Variants in RHPN2 observed in about 807,000 individuals in gnomAD.
RHPN2 encodes the protein rhophilin Rho GTPase binding protein 2.
Under a neutral mutation model 79.0 loss-of-function variants are expected in RHPN2, and 40 were observed. That is an observed-to-expected ratio of 0.51 (90% CI 0.39 to 0.66). The LOEUF is 0.66. RHPN2 is among the 30% of genes least tolerant of loss of function. The pLI is 0.00. For missense variants in RHPN2, 686 were observed against 883.5 expected, an observed-to-expected ratio of 0.78 and a Z score of 2.83; for synonymous variants, 285 against 363.5, an observed-to-expected ratio of 0.78 and a Z score of 2.46.
intron 3 of RHPN2, among the ~76,000 whole-genome samples, chr19:33,025,292 A>G (rs533879996): frequency 3.5e-5 from 5 of 142,008 alleles, no homozygotes; most frequent in African/African-American, 1.3e-4. Flanking sequence ...GGGCAACATG[A>G]TGAAACCCTG....
At position 33,064,794 on chromosome 19, in the gene RHPN2, T is replaced by C. The variant is rs1288591753; in HGVS notation, c.59A>G (p.Tyr20Cys). The C allele has an allele frequency of 2.4e-6, 3 of 1,270,770 alleles. No homozygotes were observed. Among genetic ancestry groups the C allele is most frequent in the Admixed American group, 5.4e-5 (2 of 37,106 alleles). 78.7% of individuals were successfully genotyped at this position (1,270,770 alleles called of 1,614,324 possible). The stretch of plus-strand genomic sequence containing the variant: ...CCCGAAGCCGCCCACCTTCCGAAAG[T>C]AGCCGTCGTTCTCCTTCTCCAGCGG... ...PQPLEKENDG[Y>C]FRKGCNPLAQ... The change falls in exon 1 of 15, where the codon TAC becomes TGC. Residue 20 changes from tyrosine to cysteine, a missense_variant. Tyr to Cys is a radical substitution (Grantham distance 194, BLOSUM62 -2). Transcript: ENST00000254260.
At chr19:33,062,736 C>T (rs1009523036) in intron 1 of RHPN2, among the ~76,000 whole-genome samples, 31 of 150,664 alleles carry the variant, frequency 2.1e-4, no homozygotes, top group Non-Finnish European at 4.4e-4. Flanking sequence ...CCACTGCACT[C>T]CAGCCTGAGC....
chr19:33,011,589 G>A lies in RHPN2; in HGVS notation c.593+90C>T, dbSNP rs187480363. On this transcript the variant is annotated intron_variant, in intron 6 of 14. Transcript: ENST00000254260. ...GGAAAGGGGGCTGAGGTGCACAGGG[G>A]CACCCGCAGAGGGGCGTCTGTGATG... 7,890 of 1,532,400 alleles carry A rather than the reference G, an allele frequency of 5.1e-3. 44 individuals carry two copies. The highest frequency in any genetic ancestry group is 9.4e-3 in the Middle Eastern group (49 of 5,238). 94.9% of individuals were successfully genotyped at this position (1,532,400 alleles called of 1,614,324 possible). A position where few individuals can be genotyped will look rare whatever the true frequency, so the allele number is the denominator to read the frequency against.
intron 7 of RHPN2, among the ~76,000 whole-genome samples, chr19:33,007,301 G>C (rs1971799003): frequency 6.6e-6 from 1 of 151,614 alleles, no homozygotes; most frequent in African/African-American, 2.4e-5. Context: ...AGCCTGGCCA[G>C]CATGGCGAAA....
At chr19:33,040,797 T>A (rs1972094714) in intron 2 of RHPN2, among the ~76,000 whole-genome samples, 1 of 151,548 alleles carries the variant, frequency 6.6e-6, no homozygotes, top group Non-Finnish European at 1.5e-5. Flanking sequence ...TTACTAAAAG[T>A]ATAAAATTTA....
intron 2 of RHPN2, among the ~76,000 whole-genome samples, chr19:33,040,222 G>T (rs1228527490): frequency 4.1e-5 from 6 of 146,832 alleles, no homozygotes; most frequent in Non-Finnish European, 7.4e-5. Context: ...TTAAAACTAG[G>T]CAACCTGCCT....
chr19:32,999,111 G>A (rs1457859190), intron 10 of RHPN2, among the ~76,000 whole-genome samples: 3 of 151,952 alleles, frequency 2.0e-5, no homozygotes, highest in Admixed American at 6.6e-5. Context: ...TCACTGAGAC[G>A]GAGAAGCTGC....
chr19:33,007,160 T>A (rs1236696063), intron 7 of RHPN2, among the ~76,000 whole-genome samples: 7 of 152,190 alleles, frequency 4.6e-5, no homozygotes, highest in Admixed American at 3.9e-4. Context: ...ACCCACCTCA[T>A]GCTGGAGAAG....
chr19:33,002,438 G>A (rs768844849), intron 8 of RHPN2, 35 bp from the exon 9 acceptor site: 12 of 1,613,004 alleles, frequency 7.4e-6, no homozygotes, highest in Middle Eastern at 1.7e-4. Context: ...GGGGCAGCCC[G>A]GCACAAGGGC....
chr19:33,045,086 T>C (rs564614204), intron 1 of RHPN2, among the ~76,000 whole-genome samples: 5 of 147,416 alleles, frequency 3.4e-5, no homozygotes, highest in Middle Eastern at 3.5e-3. Context: ...GGAGTCTCGC[T>C]GCGTGCCTAG....
chr19:33,008,075 C>T lies in RHPN2; in HGVS notation c.699G>A (p.Arg233=). The T allele has an allele frequency of 6.2e-7, 1 of 1,613,790 alleles. No individual in the cohort carries two copies. The highest frequency in any genetic ancestry group is 8.5e-7 in the Non-Finnish European group (1 of 1,179,986). Residue 233 remains arginine, a synonymous_variant, in exon 7 of 15, where the codon CGG becomes CGA. Transcript: ENST00000254260. ...GCCCAGCCTGCGTCTGCCGATCACACCGGGTCCCAATCTGGGTGTAGAGGG... is the reference window on the plus strand; with the variant it reads ...GCCCAGCCTGCGTCTGCCGATCACATCGGGTCCCAATCTGGGTGTAGAGGG... The part of the protein sequence containing the change: ...TGALYTQIGT[R]CDRQTQAGLE...
chr19:33,026,525 A>G lies in RHPN2; in HGVS notation c.293T>C (p.Val98Ala), dbSNP rs1599823851. 1 of 1,608,364 alleles carries G rather than the reference A, an allele frequency of 6.2e-7. No homozygotes were observed. Among genetic ancestry groups the G allele is most frequent in the Non-Finnish European group, 8.5e-7 (1 of 1,179,694 alleles). Residue 98 changes from valine to alanine, a missense_variant, in exon 3 of 15, where the codon GTG (valine) becomes GCG (alanine). Coordinates refer to ENST00000254260, the MANE Select transcript of RHPN2 (RefSeq NM_033103.5). ...TTACTCTGTGTTCTGATAGACGCCC[A>G]CCGAGATGTTCAGCCCCTCCAGCTC... ...KEELEGLNIS[V>A]GVYQNTEEAF... is the part of the protein sequence containing the mutation.
intron 14 of RHPN2, among the ~76,000 whole-genome samples, chr19:32,981,307 A>C (rs1971571896): frequency 6.7e-6 from 1 of 150,120 alleles, no homozygotes; most frequent in Admixed American, 6.7e-5. Flanking sequence ...GGAGGCTTAG[A>C]GGGGAAGATT....
intron 3 of RHPN2, among the ~76,000 whole-genome samples, chr19:33,023,934 C>T (rs966025122): frequency 3.9e-5 from 6 of 152,206 alleles, no homozygotes; most frequent in Non-Finnish European, 4.4e-5. Flanking sequence ...CAGAGACCTT[C>T]GGTTCACTCT....
chr19:33,019,327 C>G lies in RHPN2; in HGVS notation c.390+2244G>C, dbSNP rs1599820536. On this transcript the variant is annotated intron_variant, in intron 4 of 14. Transcript: ENST00000254260. ...AGGCATGGTGGCTCACGCCTGTAAT[C>G]CCAGCACTTTGGAAGGCCAAGACAG... 2.7e-5 allele frequency among the ~76,000 whole-genome samples: 4 copies of G among 150,322 alleles called. No individual in the cohort carries two copies. The South Asian group carries it at 8.6e-4, about 32-fold the overall frequency.
Position 33,009,897 on chromosome 19 carries a change from A to G in RHPN2, c.594-1717T>C, listed in dbSNP as rs141626519. ...GGATTCAAGTAATTCTCCTGCCTCA[A>G]CCTCCCAAGTAGCTGGGATTACAGG... On this transcript the variant is annotated intron_variant, in intron 6 of 14. Coordinates refer to ENST00000254260, the MANE Select transcript of RHPN2 (RefSeq NM_033103.5). Among the ~76,000 whole-genome samples, 12 of 150,498 alleles carry G rather than the reference A, an allele frequency of 8.0e-5. No individual in the cohort carries two copies. In the East Asian group the frequency reaches 1.4e-3, roughly 17 times the overall value.
rs980990123 is a variant in RHPN2, at chr19:33,062,770, A to C, written c.69+2014T>G. On this transcript the variant is annotated intron_variant, in intron 1 of 14. Transcript: ENST00000254260. ...GCGACAGAGTGAGACTCTGTTTCAT[A>C]ATAATAATAATAATAATAATAATAA... Among the ~76,000 whole-genome samples the C allele has an allele frequency of 1.7e-3, 42 of 24,718 alleles. No homozygotes were observed. In the South Asian group the frequency reaches 0.02, roughly 12 times the overall value. 16.2% of individuals were successfully genotyped at this position (24,718 alleles called of 152,430 possible).
chr19:33,037,504 G>T (rs1373923675), intron 2 of RHPN2, among the ~76,000 whole-genome samples: 1 of 152,208 alleles, frequency 6.6e-6, no homozygotes, highest in African/African-American at 2.4e-5. Flanking sequence ...TCTTGCTGCT[G>T]CTCACTCTTT....
rs1555715668 is a variant in RHPN2 at position 33,062,800 on chromosome 19, A to AATAATAAT, written c.69+1983_69+1984insATTATTAT. 1.0e-4 allele frequency among the ~76,000 whole-genome samples: 14 copies of AATAATAAT among 136,144 alleles called. No homozygotes were observed. In the South Asian group the frequency reaches 2.0e-3, roughly 20 times the overall value. 89.3% of individuals were successfully genotyped at this position (136,144 alleles called of 152,430 possible). ...TAATAATAATAATAATAATAATAAT[A>AATAATAAT]ATAATTAATAAATGAAAAACACCCA... On this transcript the variant is annotated intron_variant, in intron 1 of 14. Coordinates refer to ENST00000254260, the MANE Select transcript of RHPN2 (RefSeq NM_033103.5).
Sources: allele counts gnomAD v4.1 joint callset (sites outside exome capture counted in the v4.1 genomes callset), GRCh38; gene constraint gnomAD v4.1.1; transcripts MANE v1.5; gene names NCBI Gene and HGNC (gene_info 2026-07-23, HGNC 2026-07-21).